Variants in TTC27 observed in about 807,000 individuals in gnomAD.
TTC27 encodes tetratricopeptide repeat domain 27, also known as tetratricopeptide repeat protein 27.
A neutral mutation model predicts 115.9 loss-of-function variants in TTC27; 79 were observed. The observed-to-expected ratio is 0.68, with a 90% CI of 0.57 to 0.82. The LOEUF (loss-of-function observed/expected upper bound fraction) is 0.82, where lower values mean the gene tolerates loss of function less well. TTC27 is among the 40% of genes least tolerant of loss of function. The probability of loss-of-function intolerance (pLI) is 0.00; values close to 1 mark genes in which losing one functional copy is unlikely to be tolerated. For synonymous variants in TTC27, 401 were observed against 356.0 expected (o/e 1.13, Z -1.42); for missense variants, 1,054 against 993.1 (o/e 1.06, Z -0.82).
intron 4 of TTC27, among the ~76,000 whole-genome samples, chr2:32,644,300 C>A (rs1231191078): frequency 2.0e-5 from 3 of 150,390 alleles, no homozygotes; most frequent in Non-Finnish European, 4.4e-5. Context: ...TGCAGTGAGC[C>A]AAGATCGCGC....
Position 32,666,650 on chromosome 2 carries a change from G to C in TTC27, c.821G>C (p.Arg274Thr). The C allele has an allele frequency of 1.2e-6, 2 of 1,613,820 alleles. No individual in the cohort carries two copies. Among genetic ancestry groups the C allele is most frequent in the Non-Finnish European group, 1.7e-6 (2 of 1,179,900 alleles). ...QIDLTGALGK[R>T]TRFQENYVAQ... ...GTTTTTTCAGGTGCTTTGGGAAAAAGAACACGGTTCCAGGAAAATTATGTG... is the reference window on the plus strand; with the variant it reads ...GTTTTTTCAGGTGCTTTGGGAAAAACAACACGGTTCCAGGAAAATTATGTG... The change falls in exon 7 of 20, where the codon AGA becomes ACA. Residue 274 changes from arginine to threonine, a missense_variant. Transcript: ENST00000317907.
intron 4 of TTC27, among the ~76,000 whole-genome samples, chr2:32,641,161 C>T (rs1222029746): frequency 6.6e-6 from 1 of 152,140 alleles, no homozygotes; most frequent in Non-Finnish European, 1.5e-5. Context: ...TTTAGTAAAG[C>T]ATTTGTTAAA....
At chr2:32,636,342 C>G (rs1019798148) in intron 3 of TTC27, among the ~76,000 whole-genome samples, 3 of 152,070 alleles carry the variant, frequency 2.0e-5, no homozygotes, top group African/African-American at 7.2e-5. Flanking sequence ...GCCTCCCAAG[C>G]AGCTGGGACT....
rs1402083306 is a variant in TTC27 at position 32,774,756 on chromosome 2, G to C, written c.1681-3126G>C. ...GTAAAAGAGGCACCAAATATTGTCTGTAGTCCCCCAAATTCTGAAGACCTC... is the reference window on the plus strand; with the variant it reads ...GTAAAAGAGGCACCAAATATTGTCTCTAGTCCCCCAAATTCTGAAGACCTC... On this transcript the variant is annotated intron_variant, in intron 13 of 19. Coordinates refer to ENST00000317907, the MANE Select transcript of TTC27 (RefSeq NM_017735.5). Among the ~76,000 whole-genome samples, 5 of 152,188 alleles carry C rather than the reference G, an allele frequency of 3.3e-5. No homozygotes were observed. The South Asian group carries it at 1.0e-3, about 32-fold the overall frequency.
At chr2:32,789,544 A>T (rs1184593921) in intron 16 of TTC27, among the ~76,000 whole-genome samples, 1 of 152,186 alleles carries the variant, frequency 6.6e-6, no homozygotes, top group African/African-American at 2.4e-5. Flanking sequence ...TAGATAGTTG[A>T]TTCTGATAAA....
chr2:32,719,402 G>C (rs76247921), intron 10 of TTC27, among the ~76,000 whole-genome samples: 269 of 152,338 alleles, frequency 1.8e-3, no homozygotes, highest in African/African-American at 6.3e-3. Flanking sequence ...TATTGAGGTT[G>C]ACTATATGGG....
intron 9 of TTC27, among the ~76,000 whole-genome samples, chr2:32,694,539 A>G (rs1309246528): frequency 6.6e-6 from 1 of 152,184 alleles, no homozygotes; most frequent in Non-Finnish European, 1.5e-5. Flanking sequence ...ATCCATCTCT[A>G]TTAAAAAAAA....
At chr2:32,637,623 G>A (rs1271828809) in intron 3 of TTC27, among the ~76,000 whole-genome samples, 1 of 152,182 alleles carries the variant, frequency 6.6e-6, no homozygotes, top group Non-Finnish European at 1.5e-5. Context: ...GAGCCACCGG[G>A]CCTGGCCAGG....
chr2:32,659,355 C>CTTTT (rs78014491), intron 5 of TTC27, among the ~76,000 whole-genome samples: 2 of 118,256 alleles, frequency 1.7e-5, no homozygotes, highest in South Asian at 2.9e-4. Context: ...GGTGTTACCT[C>CTTTT]TTTTTTTTTT....
intron 16 of TTC27, among the ~76,000 whole-genome samples, chr2:32,788,238 A>T (rs1262058960): frequency 1.3e-5 from 2 of 152,144 alleles, no homozygotes; most frequent in Non-Finnish European, 2.9e-5. Flanking sequence ...TCATATTAAA[A>T]AAAATGTACA....
chr2:32,806,140 T>C (rs1489171809), intron 16 of TTC27, among the ~76,000 whole-genome samples: 1 of 152,228 alleles, frequency 6.6e-6, no homozygotes, highest in Non-Finnish European at 1.5e-5. Flanking sequence ...ATTACATATG[T>C]AGTAATTTAT....
chr2:32,816,073 T>A (rs1671491918), intron 18 of TTC27, among the ~76,000 whole-genome samples: 1 of 152,132 alleles, frequency 6.6e-6, no homozygotes, highest in Non-Finnish European at 1.5e-5. Flanking sequence ...ATTGGGAGGC[T>A]GAGGTGGGTG....
At chr2:32,744,331 G>A (rs986745104) in intron 12 of TTC27, among the ~76,000 whole-genome samples, 1 of 152,140 alleles carries the variant, frequency 6.6e-6, no homozygotes, top group Non-Finnish European at 1.5e-5. Context: ...GCCTTATGTG[G>A]AAAAATTTAG....
chr2:32,740,415 CT>C (rs924234246), intron 12 of TTC27, among the ~76,000 whole-genome samples: 3 of 146,236 alleles, frequency 2.1e-5, no homozygotes, highest in East Asian at 2.0e-4. Context: ...ACAGCTAAGA[CT>C]TTTTTAGCAA....
intron 3 of TTC27, among the ~76,000 whole-genome samples, chr2:32,637,740 C>T (rs983193018): frequency 2.0e-5 from 3 of 152,140 alleles, no homozygotes; most frequent in African/African-American, 7.2e-5. Flanking sequence ...CAACATGATC[C>T]GATGAGGCTG....
At chr2:32,804,211 A>G (rs946823784) in intron 16 of TTC27, among the ~76,000 whole-genome samples, 9 of 152,210 alleles carry the variant, frequency 5.9e-5, no homozygotes, top group African/African-American at 1.7e-4. Context: ...AGTGCTGGTA[A>G]TATGCAATTA....
At chr2:32,674,185 C>T (rs574964840) in intron 8 of TTC27, among the ~76,000 whole-genome samples, 1,816 of 150,144 alleles carry the variant, frequency 0.012, 25 homozygotes, top group Non-Finnish European at 0.019. Flanking sequence ...GAGTCTTGCA[C>T]TGTCGCCCAG....
At chr2:32,788,234 T>TA (rs148938304) in intron 16 of TTC27, among the ~76,000 whole-genome samples, 9,576 of 151,984 alleles carry the variant, frequency 0.063, 550 homozygotes, top group African/African-American at 0.15. Flanking sequence ...TCTTTCATAT[T>TA]AAAAAAAATG....
At chr2:32,782,567 TAAGCAATAATTTTACCTA>T (rs1670216702) in intron 14 of TTC27, 41 bp from the exon 15 acceptor site, 1 of 1,511,334 alleles carries the variant, frequency 6.6e-7, no homozygotes, top group Non-Finnish European at 9.1e-7. Flanking sequence ...ACTTTTGGTT[TAAGCAATAATTTTACCTA>T]AATGAGAAGA....
Sources: gnomAD v4.1 joint callset for allele counts (sites outside exome capture counted in the v4.1 genomes callset) on GRCh38, gnomAD v4.1.1 for gene constraint, MANE v1.5 for transcripts, NCBI Gene and HGNC (gene_info 2026-07-23, HGNC 2026-07-21) for gene names.